TNRC18: variants seen among roughly 807,000 people sequenced by gnomAD.
TNRC18 encodes trinucleotide repeat containing 18.
In TNRC18, 69 loss-of-function variants were observed where a neutral mutation model predicts 226.7. That is an observed-to-expected ratio of 0.30 (90% CI 0.25 to 0.37). The LOEUF (loss-of-function observed/expected upper bound fraction) is 0.37, where lower values mean the gene tolerates loss of function less well. Ranked by LOEUF, TNRC18 falls within the 10% of genes least tolerant of loss-of-function variation. TNRC18 has a pLI of 1.00. For missense variants in TNRC18, 4,754 were observed against 4,256.6 expected (o/e 1.12, Z -3.25); for synonymous variants, 2,449 against 1,927.6 (o/e 1.27, Z -7.09).
intron 16 of TNRC18, 121 bp downstream of exon 16, chr7:5,356,795 A>C: frequency 1.5e-6 from 2 of 1,352,864 alleles, no homozygotes; most frequent in African/African-American, 1.5e-5. Context: ...AGTGCGCCCC[A>C]GAGAGAGAGC....
chr7:5,325,308 CCT>C (rs1382337305), intron 19 of TNRC18, 60 bp from the exon 20 acceptor site: 58 of 1,522,040 alleles, frequency 3.8e-5, no homozygotes, highest in South Asian at 3.0e-4. Flanking sequence ...AGGCAGCACC[CCT>C]GTCCCCCTCA....
At chr7:5,343,770 A>G (rs557979479) in intron 18 of TNRC18, among the ~76,000 whole-genome samples, 1 of 152,350 alleles carries the variant, frequency 6.6e-6, no homozygotes, top group South Asian at 2.1e-4. Context: ...GTTTTCTCAG[A>G]CATAATGCTA....
chr7:5,361,874 G>T, intron 13 of TNRC18, 23 bp downstream of exon 13: 3 of 1,530,424 alleles, frequency 2.0e-6, no homozygotes, highest in Non-Finnish European at 2.6e-6. Flanking sequence ...GGGCCCCACG[G>T]GGCGGGCGGG....
intron 2 of TNRC18, among the ~76,000 whole-genome samples, chr7:5,415,158 A>G (rs1354204869): frequency 6.6e-6 from 1 of 150,852 alleles, no homozygotes; most frequent in East Asian, 1.9e-4. Flanking sequence ...ATCCCCTCCC[A>G]CCAGCTCCAG....
At chr7:5,325,438 T>G (rs1195199300) in intron 19 of TNRC18, 190 bp from the exon 20 acceptor site, 2 of 616,458 alleles carry the variant, frequency 3.2e-6, no homozygotes, top group Non-Finnish European at 5.3e-6. Context: ...GTTTTTTTTT[T>G]TTTGAGACGG....
Position 5,388,619 on chromosome 7 carries a change from C to T in TNRC18, c.1205G>A (p.Arg402His). 5 of 1,284,298 alleles carry T rather than the reference C, an allele frequency of 3.9e-6. No homozygotes were observed. Among genetic ancestry groups the T allele is most frequent in the South Asian group, 2.0e-5 (1 of 51,196 alleles). 79.6% of individuals were successfully genotyped at this position (1,284,298 alleles called of 1,614,324 possible). A position where few individuals can be genotyped will look rare whatever the true frequency, so the allele number is the denominator to read the frequency against. ...SQARDARARE[R>H]EAGRPGVLQA... ...CAGGACCCCTGGCCTGCCAGCCTCG[C>T]GCTCGCGGGCCCGGGCATCGCGCGC... The change falls in exon 5 of 30, where the codon CGC (arginine) becomes CAC (histidine). Residue 402 changes from arginine (R) to histidine (H), a missense_variant. Coordinates refer to ENST00000430969, the MANE Select transcript of TNRC18 (RefSeq NM_001080495.3).
chr7:5,336,163 C>T (rs966896717), intron 18 of TNRC18, among the ~76,000 whole-genome samples: 2 of 149,748 alleles, frequency 1.3e-5, no homozygotes, highest in African/African-American at 4.9e-5. Flanking sequence ...GCAGAGATCA[C>T]ACCACTGCAC....
At chr7:5,338,891 G>C (rs1446979316) in intron 18 of TNRC18, among the ~76,000 whole-genome samples, 2 of 140,574 alleles carry the variant, frequency 1.4e-5, no homozygotes, top group South Asian at 2.2e-4. Flanking sequence ...TTGCACTCCA[G>C]CCTGGGCAAT....
chr7:5,314,226 C>T (rs1168513868), intron 26 of TNRC18, among the ~76,000 whole-genome samples: 4 of 152,038 alleles, frequency 2.6e-5, no homozygotes, highest in African/African-American at 9.7e-5. Context: ...TGTGCCTGGG[C>T]CTCCTAGAGT....
In TNRC18 at chr7:5,309,499, G is replaced by A; in HGVS notation, c.8389-131C>T. ...AACCCCTATCCAACTGTGGGGAGAT[G>A]AGGAAGCTCCTTGTCTCGCTTCAAG... is the stretch of plus-strand genomic sequence containing the variant. On this transcript the variant is annotated intron_variant, in intron 27 of 29. Transcript: ENST00000430969. This position sits in a 1 kb window ranked among gnomAD's most constrained non-coding sequence, Gnocchi z 5.7. 4 of 741,314 alleles carry A rather than the reference G, an allele frequency of 5.4e-6. No individual in the cohort carries two copies. Among genetic ancestry groups the A allele is most frequent in the African/African-American group, 1.8e-5 (1 of 56,528 alleles). The allele number at this position is 741,314 out of a possible 1,614,324, so 45.9% of individuals were successfully genotyped here.
chr7:5,346,774 A>G (rs531498929), intron 17 of TNRC18, among the ~76,000 whole-genome samples: 200 of 152,366 alleles, frequency 1.3e-3, no homozygotes, highest in Non-Finnish European at 2.2e-3. Flanking sequence ...TGACCCTCCC[A>G]GCCCACTGGC....
intron 2 of TNRC18, among the ~76,000 whole-genome samples, chr7:5,401,082 G>A (rs7804677): frequency 1.3e-5 from 2 of 151,874 alleles, no homozygotes; most frequent in South Asian, 4.2e-4. Flanking sequence ...GGTGGCTCAC[G>A]CCTGTAATCC....
intron 29 of TNRC18, among the ~76,000 whole-genome samples, chr7:5,308,549 G>C (rs1189838270): frequency 3.3e-5 from 5 of 152,182 alleles, no homozygotes; most frequent in Non-Finnish European, 4.4e-5. Flanking sequence ...GACGCAGAGA[G>C]ACAGAGACCG....
chr7:5,389,309 GC>G lies in TNRC18; in HGVS notation c.514del (p.Ala172LeufsTer70), dbSNP rs1434728436. 1 of 1,282,216 alleles carries G rather than the reference GC, an allele frequency of 7.8e-7. No individual in the cohort carries two copies. The highest frequency in any genetic ancestry group is 2.7e-5 in the South Asian group (1 of 37,622). 79.4% of individuals were successfully genotyped at this position (1,282,216 alleles called of 1,614,324 possible). On this transcript the variant is annotated frameshift_variant, in exon 5 of 30. Transcript: ENST00000430969. LOFTEE classifies it high-confidence loss of function. Reference sequence around the variant, plus strand: ...CGCGTGAGAGTGCAGGGAGCCCGGAGCCCCCGCGGTGGGCAGGTAGAAACCG... The same window carrying G: ...CGCGTGAGAGTGCAGGGAGCCCGGAGCCCCGCGGTGGGCAGGTAGAAACCG... ...GDGFYLPTAG[A>X]PGSLHSHAPS...
chr7:5,327,776 C>A (rs1263985185), intron 19 of TNRC18, among the ~76,000 whole-genome samples: 2 of 152,110 alleles, frequency 1.3e-5, no homozygotes, highest in African/African-American at 2.4e-5. Context: ...AAGAAAATAA[C>A]TTCCGACGTG....
In TNRC18 at chr7:5,313,802, G is replaced by T. The variant is rs746153205; in HGVS notation, c.7089C>A (p.Ala2363=). 2.6e-6 allele frequency: 4 copies of T among 1,522,572 alleles called. No individual in the cohort carries two copies. The African/African-American group carries it at 5.6e-5, about 21-fold the overall frequency. The allele number at this position is 1,522,572 out of a possible 1,614,324, so 94.3% of individuals were successfully genotyped here. The change falls in exon 27 of 30, where the codon GCC becomes GCA. Residue 2363 remains alanine (A), a synonymous_variant. Coordinates refer to ENST00000430969, the MANE Select transcript of TNRC18 (RefSeq NM_001080495.3). ...PTDEVPSTPL[A]LEPSSTPGSK... ...AACCTGGGGTGCTGCTCGGCTCCAG[G>T]GCTAAGGGGGTACTGGGGACCTCGT...
chr7:5,325,357 G>A (rs757445353), intron 19 of TNRC18, 109 bp from the exon 20 acceptor site: 637 of 1,277,998 alleles, frequency 5.0e-4, no homozygotes, highest in Non-Finnish European at 6.3e-4. Context: ...CCCCAAGTGC[G>A]CCCTCCCAGG....
At chr7:5,398,219 G>A (rs966152244) in intron 2 of TNRC18, among the ~76,000 whole-genome samples, 2 of 151,772 alleles carry the variant, frequency 1.3e-5, no homozygotes, top group African/African-American at 4.8e-5. Context: ...TGCCCAGGGT[G>A]GAGTGCAATG....
chr7:5,355,678 G>A (rs1322789884), intron 16 of TNRC18, among the ~76,000 whole-genome samples: 1 of 152,086 alleles, frequency 6.6e-6, no homozygotes, highest in East Asian at 1.9e-4. Context: ...TTGAGCCCAG[G>A]CACCAGCCTG....
Sources: gnomAD v4.1 joint callset for allele counts (sites outside exome capture counted in the v4.1 genomes callset) on GRCh38, gnomAD v4.1.1 for gene constraint, Gnocchi (gnomAD v3.1) non-coding constraint, MANE v1.5 for transcripts, NCBI Gene and HGNC (gene_info 2026-07-23, HGNC 2026-07-21) for gene names.